CALD1: variants seen among roughly 807,000 people sequenced by gnomAD.
The protein encoded by CALD1 is caldesmon 1.
In CALD1, 33 loss-of-function variants were observed where a neutral mutation model predicts 99.9. The observed-to-expected ratio is 0.33, with a 90% confidence interval of 0.25 to 0.44. The LOEUF is 0.44. Among genes scored for constraint, CALD1 ranks in the 20% least tolerant of loss-of-function variants. The pLI is 1.00. For missense variants in CALD1, 861 were observed against 962.1 expected (o/e 0.89, Z 1.39); for synonymous variants, 310 against 325.0 (o/e 0.95, Z 0.50).
chr7:134,770,706 G>A (rs1796870030), intron 1 of CALD1, among the ~76,000 whole-genome samples: 1 of 152,224 alleles, frequency 6.6e-6, no homozygotes, highest in East Asian at 1.9e-4. Flanking sequence ...TCCAAATAAG[G>A]TCCTATATGT....
intron 3 of CALD1, among the ~76,000 whole-genome samples, chr7:134,902,382 A>G (rs922473698): frequency 3.3e-5 from 5 of 152,108 alleles, no homozygotes; most frequent in African/African-American, 4.8e-5. Flanking sequence ...TCCTGTATAT[A>G]TGTTCAAATG....
upstream of CALD1, among the ~76,000 whole-genome samples, chr7:134,741,610 T>C (rs2131532827): frequency 6.6e-6 from 1 of 152,290 alleles, no homozygotes. Flanking sequence ...AGGGAGTTGC[T>C]TTAGTGCCCA....
chr7:134,878,990 T>G lies in CALD1; in HGVS notation c.71+11186T>G, dbSNP rs1407742784. 2.0e-5 allele frequency among the ~76,000 whole-genome samples: 3 copies of G among 152,160 alleles called. No homozygotes were observed. In the East Asian group the frequency reaches 5.8e-4, roughly 29 times the overall value. On this transcript the variant is annotated intron_variant, in intron 3 of 14. Transcript: ENST00000361675. ...ACCTTGTCTCAAAAAAAAAAAGATG[T>G]AATGAAAGCTATCCAATACTTATAT...
chr7:134,728,564 A>G, the CALD1 span, among the ~76,000 whole-genome samples: 1 of 152,250 alleles, frequency 6.6e-6, no homozygotes, highest in Non-Finnish European at 1.5e-5. Context: ...CGAACTTAAA[A>G]TATGTAAGGA....
chr7:134,870,826 G>A (rs1461310584), intron 3 of CALD1, among the ~76,000 whole-genome samples: 1 of 151,902 alleles, frequency 6.6e-6, no homozygotes, highest in African/African-American at 2.4e-5. Context: ...GTTTCAAGGT[G>A]AGCCTTCTAG....
chr7:134,781,998 G>A (rs933014125), intron 1 of CALD1, among the ~76,000 whole-genome samples: 23 of 152,204 alleles, frequency 1.5e-4, no homozygotes, highest in Non-Finnish European at 4.4e-5. Context: ...AGAATAAGTT[G>A]ATCTTATGGC....
intron 3 of CALD1, among the ~76,000 whole-genome samples, chr7:134,877,502 T>C (rs1375062288): frequency 6.6e-6 from 1 of 152,228 alleles, no homozygotes; most frequent in Non-Finnish European, 1.5e-5. Context: ...TGTATGTATG[T>C]ATATAATTTA....
intron 3 of CALD1, among the ~76,000 whole-genome samples, chr7:134,901,122 G>C (rs1464501196): frequency 2.0e-5 from 3 of 151,472 alleles, no homozygotes; most frequent in Non-Finnish European, 4.4e-5. Context: ...TTCCTGGTGG[G>C]CCTAAGCCAG....
chr7:134,740,149 G>C (rs1168547852), upstream of CALD1, among the ~76,000 whole-genome samples: 1 of 152,142 alleles, frequency 6.6e-6, no homozygotes, highest in Non-Finnish European at 1.5e-5. Flanking sequence ...AAAATGATTA[G>C]TGGACACAAT....
chr7:134,770,000 C>T (rs1443052448), intron 1 of CALD1, among the ~76,000 whole-genome samples: 1 of 152,006 alleles, frequency 6.6e-6, no homozygotes, highest in Non-Finnish European at 1.5e-5. Flanking sequence ...TTCTCTTTTC[C>T]CTTTGTAGAT....
chr7:134,726,973 C>G, the CALD1 span, among the ~76,000 whole-genome samples: 1 of 152,194 alleles, frequency 6.6e-6, no homozygotes, highest in Non-Finnish European at 1.5e-5. Context: ...GTACTGCCGC[C>G]AACCTCCAGA....
chr7:134,814,168 G>A (rs1027534765), intron 1 of CALD1, among the ~76,000 whole-genome samples: 5 of 152,270 alleles, frequency 3.3e-5, no homozygotes, highest in Admixed American at 6.5e-5. Flanking sequence ...AGACAATTGC[G>A]TCTACTTCCA....
the CALD1 span, among the ~76,000 whole-genome samples, chr7:134,738,546 G>A: frequency 6.6e-6 from 1 of 152,096 alleles, no homozygotes; most frequent in African/African-American, 2.4e-5. Flanking sequence ...TCTATTATCT[G>A]GCCTCCAATT....
At chr7:134,748,979 G>A (rs1796660689) in intron 1 of CALD1, among the ~76,000 whole-genome samples, 1 of 152,176 alleles carries the variant, frequency 6.6e-6, no homozygotes, top group East Asian at 1.9e-4. Context: ...AGAAGGCACT[G>A]TCTATAGGCA....
intron 3 of CALD1, among the ~76,000 whole-genome samples, chr7:134,913,163 G>A (rs1184634776): frequency 6.6e-6 from 1 of 152,168 alleles, no homozygotes; most frequent in Non-Finnish European, 1.5e-5. Context: ...CTACTTGGGA[G>A]GCTAAGGCAG....
intron 3 of CALD1, among the ~76,000 whole-genome samples, chr7:134,868,833 T>C (rs1298089389): frequency 6.6e-6 from 1 of 152,068 alleles, no homozygotes; most frequent in Non-Finnish European, 1.5e-5. Flanking sequence ...AGCTCTGCCA[T>C]TTGCAAGCTG....
intron 2 of CALD1, chr7:134,866,738 A>T (rs1800818259): frequency 6.6e-6 from 1 of 152,188 alleles, no homozygotes; most frequent in Admixed American, 6.5e-5. Flanking sequence ...ATTCGAGCGC[A>T]GCAGAGAGTC....
intron 3 of CALD1, among the ~76,000 whole-genome samples, chr7:134,877,820 A>G (rs1005301676): frequency 6.6e-6 from 1 of 152,222 alleles, no homozygotes. Context: ...TGCCAACATT[A>G]TATATAAATA....
chr7:134,748,534 G>A (rs1585896230), intron 1 of CALD1, among the ~76,000 whole-genome samples: 1 of 151,946 alleles, frequency 6.6e-6, no homozygotes, highest in South Asian at 2.1e-4. Context: ...ACATGGTGAA[G>A]CCCTATCTCT....
Sources: gnomAD v4.1 joint callset for allele counts (sites outside exome capture counted in the v4.1 genomes callset) on GRCh38, gnomAD v4.1.1 for gene constraint, MANE v1.5 for transcripts, NCBI Gene and HGNC (gene_info 2026-07-23, HGNC 2026-07-21) for gene names.